The following RIF1 variants were observed in gnomAD, a reference collection of about 807,000 sequenced individuals.
The protein encoded by RIF1 is replication timing regulatory factor 1.
RIF1 carries 45 observed loss-of-function variants against 247.1 expected under a neutral mutation model. The observed-to-expected ratio is 0.18, with a 90% CI of 0.14 to 0.23. The LOEUF (loss-of-function observed/expected upper bound fraction) is 0.23. Among genes scored for constraint, RIF1 ranks in the 10% least tolerant of loss-of-function variants. The pLI, the probability that RIF1 is intolerant of heterozygous loss-of-function variation, is 1.00. For synonymous variants in RIF1, 1,087 were observed against 978.8 expected (o/e 1.11, Z -2.06); for missense variants, 2,967 against 2,862.5 (o/e 1.04, Z -0.83).
rs569529251 is a variant in RIF1, at chr2:151,468,475, A to G, written c.6749A>G (p.His2250Arg). 3.7e-6 allele frequency: 6 copies of G among 1,611,122 alleles called. 1 individual carries two copies. The highest frequency in any genetic ancestry group is 3.3e-5 in the South Asian group (3 of 91,018). Residue 2250 changes from histidine (H) to arginine (R), a missense_variant and splice_region_variant, in exon 32 of 36, where the codon CAT becomes CGT. Physicochemically the swap from His to Arg is conservative, Grantham distance 29 (BLOSUM62 0). This residue lies in a region of RIF1 where 2,028 missense variants were observed against 1,825.6 expected (regional missense o/e 1.11). Coordinates refer to ENST00000444746, the MANE Select transcript of RIF1 (RefSeq NM_018151.5). ...VKTSPTTQSK[H>R]NTTSAKGFLS... ...TTTTCTCTCCTTTCTTCTATCTAGCATAATACCACTTCAGCCAAAGGATTT... is the reference window on the plus strand; with the variant it reads ...TTTTCTCTCCTTTCTTCTATCTAGCGTAATACCACTTCAGCCAAAGGATTT...
At chr2:151,518,983 T>C in the RIF1 span, 4 of 1,613,032 alleles carry the variant, frequency 2.5e-6, no homozygotes, top group Non-Finnish European at 3.4e-6. Flanking sequence ...CAAGTTGGCT[T>C]GTATTCAGGA....
intron 10 of RIF1, among the ~76,000 whole-genome samples, chr2:151,499,000 C>T (rs2153010578): frequency 6.6e-6 from 1 of 150,566 alleles, no homozygotes; most frequent in East Asian, 2.0e-4. Flanking sequence ...TTTGTTTAAG[C>T]TTTAGGTTCA....
chr2:151,526,881 G>C, the RIF1 span: 4 of 1,392,374 alleles, frequency 2.9e-6, no homozygotes, highest in Non-Finnish European at 4.0e-6. Context: ...ATGGCCCTGA[G>C]TGAGGTTAGG....
intron 4 of RIF1, 21 bp downstream of exon 4, chr2:151,414,940 T>A: frequency 2.8e-6 from 4 of 1,423,912 alleles, no homozygotes; most frequent in Non-Finnish European, 3.9e-6. Context: ...TTCTTATGAC[T>A]TAATATTTTT....
Position 151,410,519 on chromosome 2 carries a change from T to C in RIF1, c.96T>C (p.Thr32=). Residue 32 remains threonine, a synonymous_variant, in exon 2 of 36, where the codon ACT becomes ACC. Coordinates refer to ENST00000444746, the MANE Select transcript of RIF1 (RefSeq NM_018151.5). The part of the protein sequence containing the change: ...SHGGQTDAYL[T]LTSRMTGEEG... ...GAGGGCAGACTGACGCTTACCTGAC[T>C]CTGACCAGGTGAGGTCCGCCACGGG... The C allele has an allele frequency of 6.2e-7, 1 of 1,612,326 alleles. No individual in the cohort carries two copies. The highest frequency in any genetic ancestry group is 1.1e-5 in the South Asian group (1 of 90,960).
chr2:151,425,944 G>T (rs1159743806), intron 8 of RIF1, among the ~76,000 whole-genome samples: 1 of 151,520 alleles, frequency 6.6e-6, no homozygotes, highest in African/African-American at 2.4e-5. Context: ...CTCCCAAAGT[G>T]CTGGGATTGC....
chr2:151,427,265 T>C (rs1249964025), intron 8 of RIF1, among the ~76,000 whole-genome samples: 1 of 151,570 alleles, frequency 6.6e-6, no homozygotes, highest in Non-Finnish European at 1.5e-5. Context: ...CAGGCTGGAG[T>C]GCAAACATGA....
chr2:151,485,712 A>T, downstream of RIF1: 1 of 1,532,522 alleles, frequency 6.5e-7, no homozygotes, highest in Non-Finnish European at 8.8e-7. Flanking sequence ...CGAAACATTG[A>T]CTGCAGGATC....
Position 151,479,660 on chromosome 2 carries a change from T to G in RIF1, c.*4589T>G, listed in dbSNP as rs1271134659. On this transcript the variant is annotated 3_prime_UTR_variant, in exon 36 of 36. Coordinates refer to ENST00000444746, the MANE Select transcript of RIF1 (RefSeq NM_018151.5). ...TATTATGTGGTTGAAAATTCCTGTT[T>G]CATCGTAAAGTGAAATTTGAAAGAT... 2 of 152,198 alleles carry G rather than the reference T, an allele frequency of 1.3e-5. No individual in the cohort carries two copies. Among genetic ancestry groups the G allele is most frequent in the East Asian group, 3.8e-4 (2 of 5,200 alleles). The allele number at this position is 152,198 out of a possible 1,614,324, so 9.4% of individuals were successfully genotyped here.
intron 13 of RIF1, among the ~76,000 whole-genome samples, chr2:151,507,554 C>T (rs2153207684): frequency 6.6e-6 from 1 of 152,324 alleles, no homozygotes; most frequent in South Asian, 2.1e-4. Flanking sequence ...GAACAAACAG[C>T]CATCGCTAAA....
At chr2:151,489,385 A>G (rs1395881566) in intron 9 of RIF1, among the ~76,000 whole-genome samples, 2 of 152,216 alleles carry the variant, frequency 1.3e-5, no homozygotes, top group East Asian at 3.8e-4. Context: ...ATATGTGGGC[A>G]CATTGCATAC....
chr2:151,457,695 A>T, intron 23 of RIF1, 66 bp from the exon 24 acceptor site: 1 of 1,193,438 alleles, frequency 8.4e-7, no homozygotes, highest in African/African-American at 1.5e-5. Context: ...AAATTGAAAT[A>T]GCAACATATA....
chr2:151,504,645 G>C (rs568043024), intron 12 of RIF1, among the ~76,000 whole-genome samples: 4 of 152,126 alleles, frequency 2.6e-5, no homozygotes, highest in African/African-American at 9.7e-5. Context: ...CAAGACCAAG[G>C]TCCTCCCCTT....
intron 7 of RIF1, among the ~76,000 whole-genome samples, chr2:151,421,949 C>G (rs1688247712): frequency 6.6e-6 from 1 of 151,926 alleles, no homozygotes; most frequent in African/African-American, 2.4e-5. Context: ...ATTCTCCTGC[C>G]TCAGCAGGAG....
chr2:151,494,213 G>A lies in RIF1; in HGVS notation c.*416-1016G>A, dbSNP rs751680308. 8.1e-6 allele frequency: 13 copies of A among 1,607,718 alleles called. No homozygotes were observed. Among genetic ancestry groups the A allele is most frequent in the Non-Finnish European group, 1.1e-5 (13 of 1,176,568 alleles). Reference sequence around the variant, plus strand: ...GACTCTCTGCATCTCAGGAGTGACAGGGGTTGCGGTGGCTTTCCCCACATT... The same window carrying A: ...GACTCTCTGCATCTCAGGAGTGACAAGGGTTGCGGTGGCTTTCCCCACATT... On this transcript the variant is annotated intron_variant and NMD_transcript_variant, in intron 9 of 13. Transcript: ENST00000454583.
the RIF1 span, chr2:151,531,651 C>T: frequency 1.5e-6 from 1 of 685,032 alleles, no homozygotes; most frequent in Admixed American, 2.2e-5. Flanking sequence ...GAATCCTGTG[C>T]ATAACAGGAC....
intron 18 of RIF1, among the ~76,000 whole-genome samples, chr2:151,444,886 T>C (rs1692986439): frequency 6.6e-6 from 1 of 152,228 alleles, no homozygotes; most frequent in Non-Finnish European, 1.5e-5. Context: ...ATTTATTCTC[T>C]CACCGTTCTG....
chr2:151,500,902 A>AATAAG (rs1220735065), intron 11 of RIF1, among the ~76,000 whole-genome samples: 8 of 152,142 alleles, frequency 5.3e-5, no homozygotes, highest in Admixed American at 2.0e-4. Context: ...CCTGGCCCCA[A>AATAAG]ATAAGATTTC....
chr2:151,424,856 T>TTC (rs1688757877), intron 8 of RIF1, among the ~76,000 whole-genome samples: 1 of 110,484 alleles, frequency 9.1e-6, no homozygotes, highest in East Asian at 4.1e-4. Flanking sequence ...TTTTTTTTTT[T>TTC]CCATATTTTT....
Sources: allele counts gnomAD v4.1 joint callset (sites outside exome capture counted in the v4.1 genomes callset), GRCh38; gene constraint gnomAD v4.1.1; regional missense constraint gnomAD v4.1.1; transcripts MANE v1.5; gene names NCBI Gene and HGNC (gene_info 2026-07-23, HGNC 2026-07-21).